The following OR2T11 variants were observed in gnomAD, a reference collection of about 807,000 sequenced individuals.
OR2T11 encodes the protein olfactory receptor family 2 subfamily T member 11.
In OR2T11, 14 loss-of-function variants were observed where a neutral mutation model predicts 13.5. The ratio of observed to expected loss-of-function variants is 1.04; its 90% CI spans 0.69 to 1.62. The LOEUF (loss-of-function observed/expected upper bound fraction) is 1.62. Among genes scored for constraint, OR2T11 ranks in the 40% most tolerant of loss-of-function variants. The pLI is 0.00. For synonymous variants in OR2T11, 163 were observed against 154.6 expected (o/e 1.05, Z -0.40); for missense variants, 410 against 389.7 (o/e 1.05, Z -0.44).
At chr1:248,631,016 A>G (rs1226599545) in intron 1 of OR2T11, among the ~76,000 whole-genome samples, 1 of 142,738 alleles carries the variant, frequency 7.0e-6, no homozygotes, top group Non-Finnish European at 1.5e-5. Flanking sequence ...AGGGGACCCC[A>G]AGCCAAGGAA....
At position 248,630,127 on chromosome 1, in the gene OR2T11, A is replaced by AAG. The variant is rs1165947541; in HGVS notation, c.-144-2857_-144-2856dup. ...AAATGCAAATTATTTTATGCTTTTT[A>AAG]AGGAATACCTCTAGAATTCCTTCAA... On this transcript the variant is annotated intron_variant, in intron 1 of 1. Coordinates refer to ENST00000641193, the MANE Select transcript of OR2T11 (RefSeq NM_001001964.2). 6.6e-4 allele frequency among the ~76,000 whole-genome samples: 94 copies of AAG among 143,280 alleles called. 9 individuals carry two copies. The highest frequency in any genetic ancestry group is 6.5e-4 in the Non-Finnish European group (43 of 66,246). The allele number at this position is 143,280 out of a possible 152,430, so 94.0% of individuals were successfully genotyped here.
chr1:248,626,623 C>G lies in OR2T11; in HGVS notation c.506G>C (p.Arg169Pro), dbSNP rs774651573. Reference sequence around the variant, plus strand: ...CTCACAGAAAAAATGGTTGATACTTCGGGAGCCACAGTAAGGGACATTCAT... The same window carrying G: ...CTCACAGAAAAAATGGTTGATACTTGGGGAGCCACAGTAAGGGACATTCAT... ...ITMNVPYCGS[R>P]SINHFFCEIP... Residue 169 changes from arginine to proline, a missense_variant, in exon 2 of 2, where the codon CGA (arginine) becomes CCA (proline). Coordinates refer to ENST00000641193, the MANE Select transcript of OR2T11 (RefSeq NM_001001964.2). 1 of 1,573,032 alleles carries G rather than the reference C, an allele frequency of 6.4e-7. No homozygotes were observed. Among genetic ancestry groups the G allele is most frequent in the South Asian group, 1.1e-5 (1 of 88,900 alleles).
Position 248,634,759 on chromosome 1 carries a change from C to T in OR2T11, c.-145+279G>A, listed in dbSNP as rs1262708834. ...ACTTCATTTAAAGTCAGTTGTCCAA[C>T]TTGACAGGGATGTTCTGTCACTTTT... On this transcript the variant is annotated intron_variant, in intron 1 of 1. Transcript: ENST00000641193. Among the ~76,000 whole-genome samples, 2 of 142,682 alleles carry T rather than the reference C, an allele frequency of 1.4e-5. 1 individual carries two copies. Among genetic ancestry groups the T allele is most frequent in the Admixed American group, 1.4e-4 (2 of 14,610 alleles). 93.6% of individuals were successfully genotyped at this position (142,682 alleles called of 152,430 possible). A position where few individuals can be genotyped will look rare whatever the true frequency, so the allele number is the denominator to read the frequency against.
rs867929200 is a variant in OR2T11, at chr1:248,626,333, C to T, written c.796G>A (p.Glu266Lys). Residue 266 changes from glutamate (E) to lysine (K), a missense_variant, in exon 2 of 2, where the codon GAG (glutamate) becomes AAG (lysine). Glu to Lys is a moderately conservative substitution (Grantham distance 56). Coordinates refer to ENST00000641193, the MANE Select transcript of OR2T11 (RefSeq NM_001001964.2). The part of the protein sequence containing the change: ...YVLPQSFHTP[E>K]QDKVVSAFYT... Reference sequence around the variant, plus strand: ...AAGGCTGACACTACTTTGTCCTGCTCGGGGGTGTGGAAGGACTGGGGCAGC... The same window carrying T: ...AAGGCTGACACTACTTTGTCCTGCTTGGGGGTGTGGAAGGACTGGGGCAGC... The T allele has an allele frequency of 5.7e-6, 9 of 1,572,826 alleles. 1 individual carries two copies. The African/African-American group carries it at 6.0e-5, about 10-fold the overall frequency.
At position 248,632,437 on chromosome 1, in the gene OR2T11, T is replaced by C. The variant is rs892737746; in HGVS notation, c.-145+2601A>G. Among the ~76,000 whole-genome samples the C allele has an allele frequency of 7.4e-5, 10 of 135,626 alleles. 1 individual carries two copies. Among genetic ancestry groups the C allele is most frequent in the Admixed American group, 5.1e-4 (7 of 13,854 alleles). 89.0% of individuals were successfully genotyped at this position (135,626 alleles called of 152,430 possible). A position where few individuals can be genotyped will look rare whatever the true frequency, so the allele number is the denominator to read the frequency against. On this transcript the variant is annotated intron_variant, in intron 1 of 1. Transcript: ENST00000641193. Reference sequence around the variant, plus strand: ...TTTACTTTTGTTGTAACACACTAGATCACTTTCTTAGAAGTTCCCTAAAGT... The same window carrying C: ...TTTACTTTTGTTGTAACACACTAGACCACTTTCTTAGAAGTTCCCTAAAGT...
chr1:248,634,807 TAC>T lies in OR2T11; in HGVS notation c.-145+229_-145+230del, dbSNP rs926906604. ...TTTTCAGATTTTTAATTTTTGTGGA[TAC>T]AGAGGTCTGCGTTTTTCCTTTATGC... is the stretch of plus-strand genomic sequence containing the variant. On this transcript the variant is annotated intron_variant, in intron 1 of 1. Coordinates refer to ENST00000641193, the MANE Select transcript of OR2T11 (RefSeq NM_001001964.2). Among the ~76,000 whole-genome samples the T allele has an allele frequency of 1.1e-4, 16 of 143,604 alleles. 2 individuals are homozygous for T. Among genetic ancestry groups the T allele is most frequent in the African/African-American group, 4.4e-4 (16 of 36,544 alleles). The allele number at this position is 143,604 out of a possible 152,430, so 94.2% of individuals were successfully genotyped here.
chr1:248,629,973 C>G (rs1348407913), intron 1 of OR2T11, among the ~76,000 whole-genome samples: 2 of 140,966 alleles, frequency 1.4e-5, no homozygotes, highest in Middle Eastern at 3.2e-3. Context: ...TCTCTTCAAG[C>G]TAGAAAGTAA....
At position 248,627,016 on chromosome 1, in the gene OR2T11, G is replaced by T. The variant is rs758389007; in HGVS notation, c.113C>A (p.Ala38Glu). ...ILAVFLGAVT[A>E]NLVMIFLIQV... Reference sequence around the variant, plus strand: ...AATCAAGAATATCATGACCAAATTTGCAGTCACGGCCCCCAAGAAAACAGC... The same window carrying T: ...AATCAAGAATATCATGACCAAATTTTCAGTCACGGCCCCCAAGAAAACAGC... The change falls in exon 2 of 2, where the codon GCA becomes GAA. Residue 38 changes from alanine (A) to glutamate (E), a missense_variant. Ala to Glu is a moderately radical substitution (Grantham distance 107). Transcript: ENST00000641193. 33 of 1,568,872 alleles carry T rather than the reference G, an allele frequency of 2.1e-5. 4 individuals carry two copies. The highest frequency in any genetic ancestry group is 1.7e-4 in the Middle Eastern group (1 of 5,986).
rs951302492 is a variant in OR2T11 at position 248,633,341 on chromosome 1, C to G, written c.-145+1697G>C. Among the ~76,000 whole-genome samples the G allele has an allele frequency of 5.6e-5, 8 of 142,914 alleles. 1 individual carries two copies. The highest frequency in any genetic ancestry group is 2.2e-4 in the African/African-American group (8 of 36,176). The allele number at this position is 142,914 out of a possible 152,430, so 93.8% of individuals were successfully genotyped here. ...AGTGAAAAGGTGGCATATTTTCAAC[C>G]TATATAATCATCTCCTTACAACTGT... On this transcript the variant is annotated intron_variant, in intron 1 of 1. Transcript: ENST00000641193.
At position 248,626,768 on chromosome 1, in the gene OR2T11, C is replaced by G. The variant is rs369085517; in HGVS notation, c.361G>C (p.Val121Leu). 1.3e-6 allele frequency: 2 copies of G among 1,570,596 alleles called. No individual in the cohort carries two copies. The highest frequency in any genetic ancestry group is 3.0e-5 in the African/African-American group (2 of 66,112). Residue 121 changes from valine to leucine, a missense_variant, in exon 2 of 2, where the codon GTG becomes CTG. Coordinates refer to ENST00000641193, the MANE Select transcript of OR2T11 (RefSeq NM_001001964.2). ...TATCTCAGAGGGTTACAGACAGCCA[C>G]GTAGCAGTCATAGGCCATGAGGCCC... Reference protein sequence around the residue: ...LLGLMAYDCYVAVCNPLRYPV... With the variant: ...LLGLMAYDCYLAVCNPLRYPV...
intron 1 of OR2T11, among the ~76,000 whole-genome samples, chr1:248,629,404 T>C (rs1281514077): frequency 1.7e-5 from 1 of 57,314 alleles, no homozygotes; most frequent in Non-Finnish European, 4.4e-5. Context: ...AAAAAAGAAA[T>C]GAATAAGTAA....
Position 248,627,826 on chromosome 1 carries a change from C to T in OR2T11, c.-144-554G>A, listed in dbSNP as rs1302201125. The stretch of plus-strand genomic sequence containing the variant: ...TTCACCCCCTACTCTTCCAAGCCTT[C>T]GATGCCTATTATTCCACTGTTTATG... On this transcript the variant is annotated intron_variant, in intron 1 of 1. Coordinates refer to ENST00000641193, the MANE Select transcript of OR2T11 (RefSeq NM_001001964.2). 4.2e-5 allele frequency among the ~76,000 whole-genome samples: 6 copies of T among 143,010 alleles called. No homozygotes were observed. In the East Asian group the frequency reaches 1.0e-3, roughly 24 times the overall value. 93.8% of individuals were successfully genotyped at this position (143,010 alleles called of 152,430 possible).
intron 1 of OR2T11, among the ~76,000 whole-genome samples, chr1:248,633,288 A>C (rs1660637516): frequency 7.1e-6 from 1 of 141,354 alleles, no homozygotes; most frequent in South Asian, 2.2e-4. Flanking sequence ...GTTCATCTTC[A>C]TCCTATAGCA....
chr1:248,632,334 C>T (rs1364519295), intron 1 of OR2T11, among the ~76,000 whole-genome samples: 7 of 140,660 alleles, frequency 5.0e-5, no homozygotes, highest in Non-Finnish European at 1.1e-4. Context: ...GTACTGAAGA[C>T]CTCTAATGGA....
intron 1 of OR2T11, among the ~76,000 whole-genome samples, chr1:248,631,001 G>A (rs1209476143): frequency 7.0e-6 from 1 of 142,778 alleles, no homozygotes; most frequent in Non-Finnish European, 1.5e-5. Context: ...CGGGTTTGAC[G>A]ATAGAGGGGA....
intron 1 of OR2T11, among the ~76,000 whole-genome samples, chr1:248,631,793 A>G (rs1032638177): frequency 1.4e-5 from 2 of 143,094 alleles, no homozygotes; most frequent in African/African-American, 5.5e-5. Flanking sequence ...AAGGTCTTAC[A>G]AATGCCACTC....
chr1:248,626,624 G>A lies in OR2T11; in HGVS notation c.505C>T (p.Arg169Ter), dbSNP rs200110082. Residue 169 changes from arginine (R) to a stop codon, truncating the protein, a stop_gained, in exon 2 of 2, where the codon CGA becomes TGA. Transcript: ENST00000641193. LOFTEE classifies it high-confidence loss of function. ...ITMNVPYCGSRSINHFFCEIP... is the reference protein window; with the variant it reads ...ITMNVPYCGS ...TCACAGAAAAAATGGTTGATACTTC[G>A]GGAGCCACAGTAAGGGACATTCATG... The A allele has an allele frequency of 1.5e-4, 235 of 1,573,044 alleles. 24 individuals are homozygous for A. Among genetic ancestry groups the A allele is most frequent in the African/African-American group, 4.2e-4 (28 of 67,044 alleles).
chr1:248,634,179 A>G (rs1467664666), intron 1 of OR2T11, among the ~76,000 whole-genome samples: 1 of 142,312 alleles, frequency 7.0e-6, no homozygotes, highest in Non-Finnish European at 1.5e-5. Context: ...CGTTTATTAC[A>G]CTAGTATTTA....
At position 248,631,576 on chromosome 1, in the gene OR2T11, G is replaced by A. The variant is rs2186199; in HGVS notation, c.-145+3462C>T. Among the ~76,000 whole-genome samples the A allele has an allele frequency of 7.0e-5, 10 of 143,312 alleles. 2 individuals are homozygous for A. Among genetic ancestry groups the A allele is most frequent in the African/African-American group, 1.4e-4 (5 of 36,400 alleles). The allele number at this position is 143,312 out of a possible 152,430, so 94.0% of individuals were successfully genotyped here. Reference sequence around the variant, plus strand: ...GAAGTTAAATGAATGCAGGGTAAAAGGCCATAAACACACCCAAGGAAAAGT... The same window carrying A: ...GAAGTTAAATGAATGCAGGGTAAAAAGCCATAAACACACCCAAGGAAAAGT... On this transcript the variant is annotated intron_variant, in intron 1 of 1. Coordinates refer to ENST00000641193, the MANE Select transcript of OR2T11 (RefSeq NM_001001964.2).
Sources: gnomAD v4.1 joint callset for allele counts (sites outside exome capture counted in the v4.1 genomes callset) on GRCh38, gnomAD v4.1.1 for gene constraint, MANE v1.5 for transcripts, NCBI Gene and HGNC (gene_info 2026-07-23, HGNC 2026-07-21) for gene names.